ZFYVE27: variants seen among roughly 807,000 people sequenced by gnomAD.
ZFYVE27 encodes the protein protrudin.
In ZFYVE27, 36 loss-of-function variants were observed where a neutral mutation model predicts 52.8. The ratio of observed to expected loss-of-function variants is 0.68; its 90% confidence interval spans 0.52 to 0.90. The LOEUF is 0.90. ZFYVE27 is among the 40% of genes least tolerant of loss of function. ZFYVE27 has a pLI of 0.00. For missense variants in ZFYVE27, 450 were observed against 527.2 expected, an observed-to-expected ratio of 0.85 and a Z score of 1.43; for synonymous variants, 223 against 215.6, an observed-to-expected ratio of 1.03 and a Z score of -0.30.
At chr10:97,739,249 A>T (rs1009820239) in intron 2 of ZFYVE27, among the ~76,000 whole-genome samples, 2 of 151,494 alleles carry the variant, frequency 1.3e-5, no homozygotes, top group African/African-American at 2.4e-5. Context: ...AAAAAAAAAA[A>T]TTGTAGAGAG....
At position 97,741,047 on chromosome 10, in the gene ZFYVE27, G is replaced by A. The variant is rs73324636; in HGVS notation, c.198-2047G>A. Among the ~76,000 whole-genome samples the A allele has an allele frequency of 4.2e-3, 644 of 152,304 alleles. 16 individuals are homozygous for A. Among genetic ancestry groups the A allele is most frequent in the African/African-American group, 0.015 (615 of 41,552 alleles). On this transcript the variant is annotated intron_variant, in intron 2 of 12. Transcript: ENST00000684270. The stretch of plus-strand genomic sequence containing the variant: ...TAGCTGCCACTAGAGGTTCTGAGGC[G>A]TAATTAGGGTGGTACAGGTGGAGTG...
At chr10:97,752,616 A>G (rs1025805309) in intron 8 of ZFYVE27, among the ~76,000 whole-genome samples, 57 of 152,158 alleles carry the variant, frequency 3.7e-4, no homozygotes, top group African/African-American at 1.3e-3. Flanking sequence ...TCAAATAAAG[A>G]CCTACTAAAT....
At chr10:97,759,153 A>C in intron 12 of ZFYVE27, 83 bp from the exon 13 acceptor site, 1 of 1,494,762 alleles carries the variant, frequency 6.7e-7, no homozygotes. Context: ...TGTGTGGGGC[A>C]TTTGGGAGGG....
At chr10:97,741,947 A>G (rs1590002156) in intron 2 of ZFYVE27, among the ~76,000 whole-genome samples, 1 of 152,022 alleles carries the variant, frequency 6.6e-6, no homozygotes, top group Non-Finnish European at 1.5e-5. Flanking sequence ...CCTGGCCAAC[A>G]TAGTGAAACA....
intron 10 of ZFYVE27, chr10:97,754,669 G>A: frequency 2.3e-6 from 3 of 1,289,042 alleles, no homozygotes; most frequent in Non-Finnish European, 3.0e-6. Context: ...TGTATGTTCA[G>A]TGATCTGTTT....
intron 2 of ZFYVE27, among the ~76,000 whole-genome samples, chr10:97,739,221 A>G (rs1039843784): frequency 2.0e-5 from 3 of 149,194 alleles, no homozygotes; most frequent in Admixed American, 1.3e-4. Context: ...CTCAGCCACC[A>G]TGCCTGGCTA....
Position 97,760,168 on chromosome 10 carries a change from TC to T in ZFYVE27, c.*869del, listed in dbSNP as rs1199237418. The T allele has an allele frequency of 1.3e-5, 2 of 152,326 alleles. No individual in the cohort carries two copies. Among genetic ancestry groups the T allele is most frequent in the Non-Finnish European group, 2.9e-5 (2 of 68,138 alleles). 9.4% of individuals were successfully genotyped at this position (152,326 alleles called of 1,614,324 possible). On this transcript the variant is annotated 3_prime_UTR_variant, in exon 13 of 13. Coordinates refer to ENST00000684270, the MANE Select transcript of ZFYVE27 (RefSeq NM_001385875.1). ...AGCACTCCAGTTTCCTTTCCCTGCCTCTTGTCCAATGGAGTGGGAGGCCAGG... is the reference window on the plus strand; with the variant it reads ...AGCACTCCAGTTTCCTTTCCCTGCCTTTGTCCAATGGAGTGGGAGGCCAGG...
chr10:97,749,435 T>C, intron 5 of ZFYVE27, 39 bp from the exon 6 acceptor site: 1 of 1,538,164 alleles, frequency 6.5e-7, no homozygotes. Flanking sequence ...CTTCTGCTGT[T>C]ACGAATTTCT....
chr10:97,750,247 C>T, intron 6 of ZFYVE27, 84 bp from the exon 7 acceptor site: 1 of 1,549,010 alleles, frequency 6.5e-7, no homozygotes, highest in Non-Finnish European at 8.8e-7. Context: ...GAGAGGCCAG[C>T]CAGCTGCAGA....
intron 1 of ZFYVE27, 107 bp from the exon 2 acceptor site, chr10:97,738,370 C>T: frequency 7.9e-7 from 1 of 1,264,634 alleles, no homozygotes; most frequent in Non-Finnish European, 1.1e-6. Flanking sequence ...GAATAGTTCA[C>T]TTTCCCTTGC....
chr10:97,752,934 G>C, intron 9 of ZFYVE27, 57 bp downstream of exon 9: 7 of 1,612,386 alleles, frequency 4.3e-6, no homozygotes, highest in Non-Finnish European at 5.9e-6. Flanking sequence ...TGGCTGAACC[G>C]GCTGCTGCCA....
chr10:97,757,583 C>T, intron 11 of ZFYVE27, 59 bp from the exon 12 acceptor site: 1 of 1,565,800 alleles, frequency 6.4e-7, no homozygotes, highest in Non-Finnish European at 8.8e-7. Flanking sequence ...GAGGGAGGTG[C>T]TGAGAACTCC....
chr10:97,746,896 G>A (rs991241255), intron 4 of ZFYVE27, among the ~76,000 whole-genome samples: 3 of 151,862 alleles, frequency 2.0e-5, no homozygotes, highest in African/African-American at 7.3e-5. Flanking sequence ...TCATTGTCTT[G>A]CCCAGGCTGG....
Position 97,744,720 on chromosome 10 carries a change from A to G in ZFYVE27, c.269-9A>G. On this transcript the variant is annotated splice_polypyrimidine_tract_variant and intron_variant, in intron 3 of 12. Coordinates refer to ENST00000684270, the MANE Select transcript of ZFYVE27 (RefSeq NM_001385875.1). Reference sequence around the variant, plus strand: ...ACCTGTGTTACCTGCAGTGTTTTTGATTCTGCAGGTGCATGGTACTCAGTA... The same window carrying G: ...ACCTGTGTTACCTGCAGTGTTTTTGGTTCTGCAGGTGCATGGTACTCAGTA... 1 of 1,613,220 alleles carries G rather than the reference A, an allele frequency of 6.2e-7. No individual in the cohort carries two copies. The highest frequency in any genetic ancestry group is 8.5e-7 in the Non-Finnish European group (1 of 1,179,984).
At position 97,738,664 on chromosome 10, in the gene ZFYVE27, T is replaced by A; in HGVS notation, c.187T>A (p.Tyr63Asn). 1.2e-6 allele frequency: 2 copies of A among 1,614,248 alleles called. No individual in the cohort carries two copies. The highest frequency in any genetic ancestry group is 1.7e-6 in the Non-Finnish European group (2 of 1,180,042). ...GAAGGATGCAGGTGATGGTGTTCGA[T>A]ACTTGCTCAGGTACAGACTTTGTGG... ...PLKDAGDGVR[Y>N]LLRWQMPLCS... The change falls in exon 2 of 13, where the codon TAC becomes AAC. Residue 63 changes from tyrosine to asparagine, a missense_variant. By Grantham distance (143) the Tyr-to-Asn change is moderately radical. Transcript: ENST00000684270.
chr10:97,750,293 AT>A, intron 6 of ZFYVE27, 37 bp from the exon 7 acceptor site: 2 of 1,612,684 alleles, frequency 1.2e-6, no homozygotes, highest in South Asian at 1.1e-5. Context: ...ACGGTGTCTC[AT>A]TTTTGCCTCC....
intron 5 of ZFYVE27, among the ~76,000 whole-genome samples, chr10:97,749,168 CA>C (rs1286619238): frequency 3.3e-5 from 5 of 152,298 alleles, no homozygotes; most frequent in Admixed American, 2.0e-4. Flanking sequence ...GAGCTGGATT[CA>C]AATCCCAGTC....
Position 97,744,876 on chromosome 10 carries a change from G to C in ZFYVE27, c.416G>C (p.Arg139Pro), listed in dbSNP as rs1040361764. The change falls in exon 4 of 13, where the codon CGC becomes CCC. Residue 139 changes from arginine (R) to proline (P), a missense_variant. By Grantham distance (103) the Arg-to-Pro change is moderately radical (BLOSUM62 -2). Coordinates refer to ENST00000684270, the MANE Select transcript of ZFYVE27 (RefSeq NM_001385875.1). ...AGGCAGGAGGACCTGCAGAGAGGTC[G>C]CCTGTCTCGTCCCGAGGCCGTGGCT... The part of the protein sequence containing the change: ...SVRQEDLQRG[R>P]LSRPEAVAEV... 5 of 1,605,728 alleles carry C rather than the reference G, an allele frequency of 3.1e-6. No individual in the cohort carries two copies. In the African/African-American group the frequency reaches 6.7e-5, roughly 21 times the overall value.
At chr10:97,748,445 A>C in intron 5 of ZFYVE27, 81 bp downstream of exon 5, 3 of 1,416,162 alleles carry the variant, frequency 2.1e-6, no homozygotes, top group Non-Finnish European at 2.9e-6. Context: ...CCTTGAGAGG[A>C]CCTCTGCCCC....
Sources: gnomAD v4.1 joint callset for allele counts (sites outside exome capture counted in the v4.1 genomes callset) on GRCh38, gnomAD v4.1.1 for gene constraint, MANE v1.5 for transcripts, NCBI Gene and HGNC (gene_info 2026-07-23, HGNC 2026-07-21) for gene names.